NRG2: variants seen among roughly 807,000 people sequenced by gnomAD.
The protein encoded by NRG2 is neuregulin 2.
In NRG2, 27 loss-of-function variants were observed where a neutral mutation model predicts 73.9. That is an observed-to-expected ratio of 0.37 (90% CI 0.27 to 0.50). NRG2 has a LOEUF of 0.50. Ranked by LOEUF, NRG2 falls within the 20% of genes least tolerant of loss-of-function variation. The probability of loss-of-function intolerance (pLI) is 0.96; values close to 1 mark genes in which losing one functional copy is unlikely to be tolerated. For missense variants in NRG2, 1,126 were observed against 1,210.1 expected, an observed-to-expected ratio of 0.93 and a Z score of 1.03; for synonymous variants, 532 against 541.0, an observed-to-expected ratio of 0.98 and a Z score of 0.23.
intron 1 of NRG2, among the ~76,000 whole-genome samples, chr5:139,937,897 C>T (rs1752964698): frequency 6.6e-6 from 1 of 152,144 alleles, no homozygotes; most frequent in South Asian, 2.1e-4. Flanking sequence ...ACATTATTTT[C>T]AGTGTGAAAC....
intron 1 of NRG2, among the ~76,000 whole-genome samples, chr5:139,930,095 T>C (rs1355870188): frequency 6.6e-6 from 1 of 152,200 alleles, no homozygotes; most frequent in Non-Finnish European, 1.5e-5. Flanking sequence ...AAACGAGGAT[T>C]AGTGGTTTTC....
intron 1 of NRG2, among the ~76,000 whole-genome samples, chr5:140,037,768 C>T (rs908212510): frequency 1.3e-5 from 2 of 151,866 alleles, no homozygotes; most frequent in South Asian, 2.1e-4. Context: ...ATTAATCGGG[C>T]GCGGTGGCGG....
intron 1 of NRG2, among the ~76,000 whole-genome samples, chr5:140,013,742 T>C (rs1759551779): frequency 6.6e-6 from 1 of 152,152 alleles, no homozygotes; most frequent in African/African-American, 2.4e-5. Flanking sequence ...AAATCCCCAA[T>C]GGCATCCACA....
chr5:139,906,527 CA>C lies in NRG2; in HGVS notation c.701-19017del, dbSNP rs757431282. ...CACATACTATACTAATCTCTCTGCC[CA>C]GGATCTCTCTCCCTTTTTGGCCTAC... On this transcript the variant is annotated intron_variant, in intron 1 of 9. Coordinates refer to ENST00000361474, the MANE Select transcript of NRG2 (RefSeq NM_004883.3). Among the ~76,000 whole-genome samples the C allele has an allele frequency of 3.9e-5, 6 of 152,266 alleles. No homozygotes were observed. The East Asian group carries it at 5.8e-4, about 15-fold the overall frequency.
intron 1 of NRG2, among the ~76,000 whole-genome samples, chr5:140,016,614 T>C (rs1467392994): frequency 1.3e-5 from 2 of 152,244 alleles, no homozygotes; most frequent in African/African-American, 4.8e-5. Context: ...TTTTAGTTAC[T>C]ACCATAAATA....
At chr5:139,935,096 G>C (rs1752751195) in intron 1 of NRG2, among the ~76,000 whole-genome samples, 1 of 152,132 alleles carries the variant, frequency 6.6e-6, no homozygotes, top group Non-Finnish European at 1.5e-5. Context: ...GAACCCAGGA[G>C]GCAGAAGTTG....
rs571696410 is a variant in NRG2 at position 139,848,191 on chromosome 5, C to T, written c.2279G>A (p.Arg760Lys). 3.0e-3 allele frequency: 4,012 copies of T among 1,351,754 alleles called. 8 individuals carry two copies. Among genetic ancestry groups the T allele is most frequent in the Middle Eastern group, 5.2e-3 (19 of 3,654 alleles). 83.7% of individuals were successfully genotyped at this position (1,351,754 alleles called of 1,614,324 possible). The change falls in exon 10 of 10, where the codon AGG (arginine) becomes AAG (lysine). Residue 760 changes from arginine (R) to lysine (K), a missense_variant. Coordinates refer to ENST00000361474, the MANE Select transcript of NRG2 (RefSeq NM_004883.3). ...GCCGCTGCTCAGCGACAGCGAGTCC[C>T]TCGCCGCCCGTGCGCGCTGCGCCGC... Reference protein sequence around the residue: ...GLAAQRARAARDSLSLSSGSG... With the variant: ...GLAAQRARAAKDSLSLSSGSG...
intron 3 of NRG2, 55 bp downstream of exon 3, chr5:139,880,801 T>C: frequency 3.5e-6 from 5 of 1,424,600 alleles, no homozygotes; most frequent in Non-Finnish European, 4.9e-6. Flanking sequence ...GGGGGGCCAC[T>C]GGCCCGCCCT....
chr5:139,864,961 G>A (rs1762385960), intron 5 of NRG2: 1 of 730,352 alleles, frequency 1.4e-6, no homozygotes, highest in Non-Finnish European at 2.5e-6. Context: ...GCCCACATGT[G>A]GAGGTGGGGG....
chr5:139,966,570 G>T (rs985218), intron 1 of NRG2, among the ~76,000 whole-genome samples: 2,385 of 152,280 alleles, frequency 0.016, 56 homozygotes, highest in African/African-American at 0.054. Flanking sequence ...TAGCAGCAAA[G>T]ACTGGAGGAG....
intron 5 of NRG2, chr5:139,861,703 A>G (rs748054914): frequency 1.9e-6 from 1 of 514,636 alleles, no homozygotes; most frequent in South Asian, 1.4e-5. Context: ...ACTCCTCTCC[A>G]GGGTGTCCCA....
In NRG2 at chr5:139,848,599, T is replaced by C. The variant is rs768279391; in HGVS notation, c.1871A>G (p.Asn624Ser). 6.4e-7 allele frequency: 1 copy of C among 1,571,220 alleles called. No individual in the cohort carries two copies. Among genetic ancestry groups the C allele is most frequent in the Non-Finnish European group, 8.6e-7 (1 of 1,169,054 alleles). ...CGGCAGCGACACGGCGTGCGCCGAGTTGGGGGACGTGATCTCGAAAGTTGG... is the reference window on the plus strand; with the variant it reads ...CGGCAGCGACACGGCGTGCGCCGAGCTGGGGGACGTGATCTCGAAAGTTGG... ...QVPTFEITSP[N>S]SAHAVSLPPA... Residue 624 changes from asparagine to serine, a missense_variant, in exon 10 of 10, where the codon AAC becomes AGC. Physicochemically the swap from Asn to Ser is conservative, Grantham distance 46. This residue lies in a region of NRG2 where 402 missense variants were observed against 357.8 expected (regional missense o/e 1.12). Transcript: ENST00000361474.
intron 1 of NRG2, among the ~76,000 whole-genome samples, chr5:139,908,743 C>T (rs943108942): frequency 7.2e-5 from 11 of 152,190 alleles, no homozygotes; most frequent in Admixed American, 2.0e-4. Context: ...AACCACTGGT[C>T]GCAAGACCTG....
Position 140,005,981 on chromosome 5 carries a change from C to T in NRG2, c.700+36389G>A, listed in dbSNP as rs139402510. ...ACTCTAGAAAACTAGATACCAAAGA[C>T]GTCTAGGTCAAAGGCTCTGAAAATC... On this transcript the variant is annotated intron_variant, in intron 1 of 9. Coordinates refer to ENST00000361474, the MANE Select transcript of NRG2 (RefSeq NM_004883.3). Among the ~76,000 whole-genome samples, 260 of 152,300 alleles carry T rather than the reference C, an allele frequency of 1.7e-3. 2 individuals carry two copies. The highest frequency in any genetic ancestry group is 6.8e-3 in the Middle Eastern group (2 of 294).
intron 1 of NRG2, among the ~76,000 whole-genome samples, chr5:140,002,802 G>C (rs1758591368): frequency 6.6e-6 from 1 of 152,180 alleles, no homozygotes; most frequent in Non-Finnish European, 1.5e-5. Context: ...CCAATTTGAA[G>C]GCTATTAAAA....
chr5:139,864,780 T>A (rs114139306), intron 5 of NRG2, among the ~76,000 whole-genome samples: 270 of 148,682 alleles, frequency 1.8e-3, no homozygotes, highest in African/African-American at 6.6e-3. Flanking sequence ...ACACACACAC[T>A]CACTGCCAGA....
Position 139,852,381 on chromosome 5 carries a change from C to T in NRG2, c.1544+51G>A. 2 of 1,590,378 alleles carry T rather than the reference C, an allele frequency of 1.3e-6. No homozygotes were observed. Among genetic ancestry groups the T allele is most frequent in the African/African-American group, 1.3e-5 (1 of 74,198 alleles). On this transcript the variant is annotated intron_variant, in intron 8 of 9. Coordinates refer to ENST00000361474, the MANE Select transcript of NRG2 (RefSeq NM_004883.3). This position sits in a 1 kb window ranked among gnomAD's most constrained non-coding sequence, Gnocchi z 4.4. ...GTCGGAGTAAGTGGGCACTTTGCGC[C>T]AGATGAAGTATGTGAGTCTACAAGT...
At chr5:139,884,136 G>A (rs557635404) in intron 2 of NRG2, among the ~76,000 whole-genome samples, 26 of 152,232 alleles carry the variant, frequency 1.7e-4, no homozygotes, top group African/African-American at 5.8e-4. Flanking sequence ...GCGGAGAAGG[G>A]GGTATCTGGG....
chr5:139,864,465 T>C (rs1311478168), intron 5 of NRG2, among the ~76,000 whole-genome samples: 2 of 150,098 alleles, frequency 1.3e-5, no homozygotes, highest in African/African-American at 4.9e-5. Flanking sequence ...AATAAAATCC[T>C]AGATGGGAGG....
Sources: allele counts gnomAD v4.1 joint callset (sites outside exome capture counted in the v4.1 genomes callset), GRCh38; gene constraint gnomAD v4.1.1; regional missense constraint gnomAD v4.1.1; non-coding constraint Gnocchi (gnomAD v3.1); transcripts MANE v1.5; gene names NCBI Gene and HGNC (gene_info 2026-07-23, HGNC 2026-07-21).